REEP3: variants seen among roughly 807,000 people sequenced by gnomAD.
The protein encoded by REEP3 is receptor accessory protein 3.
Under a neutral mutation model 41.3 loss-of-function variants are expected in REEP3, and 20 were observed. That is an observed-to-expected ratio of 0.48 (90% confidence interval 0.34 to 0.70). The LOEUF (loss-of-function observed/expected upper bound fraction) is 0.70. Ranked by LOEUF, REEP3 falls within the 30% of genes least tolerant of loss-of-function variation. The pLI is 0.01. For missense variants in REEP3, 271 were observed against 308.8 expected (o/e 0.88, Z 0.92); for synonymous variants, 104 against 101.8 (o/e 1.02, Z -0.13).
chr10:63,594,527 C>A (rs1956095569), intron 2 of REEP3, among the ~76,000 whole-genome samples: 3 of 152,146 alleles, frequency 2.0e-5, no homozygotes, highest in African/African-American at 7.2e-5. Context: ...TGTATCAAGT[C>A]CCAGAGATTT....
At chr10:63,588,573 T>G (rs542006361) in intron 2 of REEP3, among the ~76,000 whole-genome samples, 41 of 152,342 alleles carry the variant, frequency 2.7e-4, no homozygotes, top group African/African-American at 8.9e-4. Flanking sequence ...CCCACATTCA[T>G]TCACCAATCC....
At chr10:63,609,692 T>C (rs936127102) in intron 5 of REEP3, among the ~76,000 whole-genome samples, 3 of 151,778 alleles carry the variant, frequency 2.0e-5, no homozygotes, top group African/African-American at 7.3e-5. Context: ...ACCTGGGAGG[T>C]AGAGGTTGCA....
At chr10:63,609,441 G>C (rs1009901367) in intron 5 of REEP3, among the ~76,000 whole-genome samples, 16 of 117,828 alleles carry the variant, frequency 1.4e-4, no homozygotes, top group African/African-American at 4.6e-4. Flanking sequence ...GACAAAGCGA[G>C]ACTCTGTCTC....
At chr10:63,597,942 A>C (rs566632332) in intron 3 of REEP3, 82 bp from the exon 4 acceptor site, 63 of 1,226,570 alleles carry the variant, frequency 5.1e-5, no homozygotes, top group Non-Finnish European at 7.1e-5. Flanking sequence ...ATAGTGACTG[A>C]ACTTTTTAAA....
At position 63,607,430 on chromosome 10, in the gene REEP3, G is replaced by A. The variant is rs370625095; in HGVS notation, c.418-2757G>A. On this transcript the variant is annotated intron_variant, in intron 5 of 7. Transcript: ENST00000373758. ...AGATAGATCACCCAGATACCTCAAGGTTGGGCCTTGCCTTGCTCATGTTTA... is the reference window on the plus strand; with the variant it reads ...AGATAGATCACCCAGATACCTCAAGATTGGGCCTTGCCTTGCTCATGTTTA... Among the ~76,000 whole-genome samples the A allele has an allele frequency of 2.6e-5, 4 of 152,266 alleles. No individual in the cohort carries two copies. In the East Asian group the frequency reaches 5.8e-4, roughly 22 times the overall value.
At chr10:63,542,271 G>C (rs1329183661) in intron 1 of REEP3, among the ~76,000 whole-genome samples, 1 of 151,768 alleles carries the variant, frequency 6.6e-6, no homozygotes, top group Non-Finnish European at 1.5e-5. Context: ...TAGAGACAGG[G>C]TTCCCATGCT....
intron 2 of REEP3, among the ~76,000 whole-genome samples, chr10:63,586,078 T>C (rs1326060801): frequency 6.6e-6 from 1 of 152,230 alleles, no homozygotes; most frequent in African/African-American, 2.4e-5. Context: ...TTAGGGTAGG[T>C]AAATGCATAC....
At chr10:63,611,663 A>C (rs1411259798) in intron 6 of REEP3, among the ~76,000 whole-genome samples, 1 of 152,074 alleles carries the variant, frequency 6.6e-6, no homozygotes, top group Non-Finnish European at 1.5e-5. Context: ...CTTTTTATTA[A>C]AAAAAGAAGT....
chr10:63,620,221 C>T (rs1289230701), intron 7 of REEP3, among the ~76,000 whole-genome samples: 1 of 152,150 alleles, frequency 6.6e-6, no homozygotes, highest in Non-Finnish European at 1.5e-5. Flanking sequence ...GCGTGAGCCA[C>T]CTCACCTGGC....
intron 2 of REEP3, among the ~76,000 whole-genome samples, chr10:63,581,992 G>C (rs548194946): frequency 6.6e-6 from 1 of 151,606 alleles, no homozygotes; most frequent in Non-Finnish European, 1.5e-5. Context: ...TACCAAGTTT[G>C]TCTTTTCTCT....
intron 1 of REEP3, among the ~76,000 whole-genome samples, chr10:63,542,434 T>A (rs1205555699): frequency 6.6e-6 from 1 of 152,222 alleles, no homozygotes; most frequent in Non-Finnish European, 1.5e-5. Flanking sequence ...TGAGGACACA[T>A]CTGTTCTTCA....
chr10:63,528,894 C>T (rs1451515007), intron 1 of REEP3, among the ~76,000 whole-genome samples: 2 of 152,176 alleles, frequency 1.3e-5, no homozygotes, highest in African/African-American at 2.4e-5. Context: ...TTTCCTTCCC[C>T]GCTCCGTTGT....
At chr10:63,580,267 C>T (rs1476831269) in intron 2 of REEP3, among the ~76,000 whole-genome samples, 4 of 152,040 alleles carry the variant, frequency 2.6e-5, no homozygotes, top group African/African-American at 9.7e-5. Context: ...TCCTCAGTAG[C>T]TGGGACTCCA....
In REEP3 at chr10:63,547,646, A is replaced by G. The variant is rs75464894; in HGVS notation, c.33-18692A>G. ...TACCATCACACCTTTAGGATTGCAT[A>G]GGAATCAAGATTGTTCAAATTTAGC... is the stretch of plus-strand genomic sequence containing the variant. On this transcript the variant is annotated intron_variant, in intron 1 of 7. Coordinates refer to ENST00000373758, the MANE Select transcript of REEP3 (RefSeq NM_001001330.3). Among the ~76,000 whole-genome samples the G allele has an allele frequency of 6.3e-3, 956 of 152,360 alleles. 3 individuals carry two copies. The highest frequency in any genetic ancestry group is 0.011 in the Admixed American group (171 of 15,306).
At chr10:63,597,520 G>A (rs1001479930) in intron 3 of REEP3, among the ~76,000 whole-genome samples, 4 of 152,202 alleles carry the variant, frequency 2.6e-5, no homozygotes, top group Admixed American at 2.0e-4. Flanking sequence ...TTAGAATGAG[G>A]GGGGAATCTC....
At position 63,621,576 on chromosome 10, in the gene REEP3, G is replaced by A. The variant is rs1670070508; in HGVS notation, c.*707G>A. 1 of 152,452 alleles carries A rather than the reference G, an allele frequency of 6.6e-6. No homozygotes were observed. Among genetic ancestry groups the A allele is most frequent in the South Asian group, 2.1e-4 (1 of 4,826 alleles). 9.4% of individuals were successfully genotyped at this position (152,452 alleles called of 1,614,324 possible). A position where few individuals can be genotyped will look rare whatever the true frequency, so the allele number is the denominator to read the frequency against. On this transcript the variant is annotated 3_prime_UTR_variant, in exon 8 of 8. Transcript: ENST00000373758. ...AATTATATCATCTCTTTTCCTGTGG[G>A]TTTCATTTGTTAAATTCATTGGATT...
chr10:63,562,111 G>A (rs1955745572), intron 1 of REEP3, among the ~76,000 whole-genome samples: 1 of 152,146 alleles, frequency 6.6e-6, no homozygotes, highest in South Asian at 2.1e-4. Context: ...AAAAGCTCCT[G>A]TGCGGTGGAG....
rs1250348352 is a variant in REEP3, at chr10:63,566,331, C to A, written c.33-7C>A. ...TTGAACAGTATTCTCATTTTTTTTA[C>A]TTTTAGGCTGGTGTTTGGAATGCTT... On this transcript the variant is annotated splice_polypyrimidine_tract_variant and splice_region_variant and intron_variant, in intron 1 of 7. Transcript: ENST00000373758. 1.1e-5 allele frequency: 17 copies of A among 1,524,370 alleles called. No individual in the cohort carries two copies. Among genetic ancestry groups the A allele is most frequent in the Admixed American group, 4.0e-5 (2 of 49,940 alleles). 94.4% of individuals were successfully genotyped at this position (1,524,370 alleles called of 1,614,324 possible). A position where few individuals can be genotyped will look rare whatever the true frequency, so the allele number is the denominator to read the frequency against.
At chr10:63,596,650 T>C (rs892060452) in intron 3 of REEP3, among the ~76,000 whole-genome samples, 4 of 152,184 alleles carry the variant, frequency 2.6e-5, no homozygotes, top group Admixed American at 2.0e-4. Context: ...TAGTGAACTT[T>C]TGCTGTGGCA....
Sources: allele counts gnomAD v4.1 joint callset (sites outside exome capture counted in the v4.1 genomes callset), GRCh38; gene constraint gnomAD v4.1.1; transcripts MANE v1.5; gene names NCBI Gene and HGNC (gene_info 2026-07-23, HGNC 2026-07-21).